The following PGBD2 variants were observed in gnomAD, a reference collection of about 807,000 sequenced individuals.
PGBD2 encodes the protein piggyBac transposable element-derived protein 2.
Under a neutral mutation model 8.1 loss-of-function variants are expected in PGBD2, and 6 were observed. That is an observed-to-expected ratio of 0.74 (90% CI 0.40 to 1.46). The LOEUF is 1.46. Ranked by LOEUF, PGBD2 falls within the 40% of genes most tolerant of loss-of-function variation. PGBD2 has a pLI of 0.02. For missense variants in PGBD2, 802 were observed against 739.0 expected (o/e 1.09, Z -0.99); for synonymous variants, 318 against 272.2 (o/e 1.17, Z -1.66).
At chr1:248,895,862 A>G in the PGBD2 span, among the ~76,000 whole-genome samples, 1 of 151,386 alleles carries the variant, frequency 6.6e-6, no homozygotes, top group Non-Finnish European at 1.5e-5. Context: ...TAATTTTTGT[A>G]TTTTTAGTAG....
At chr1:248,924,011 C>T (rs1291144387), downstream of PGBD2, among the ~76,000 whole-genome samples, 1 of 152,188 alleles carries the variant, frequency 6.6e-6, no homozygotes, top group Non-Finnish European at 1.5e-5. Context: ...CAAGGTAAGC[C>T]GTGGAGCTTC....
At chr1:248,894,221 T>C in the PGBD2 span, among the ~76,000 whole-genome samples, 1 of 152,230 alleles carries the variant, frequency 6.6e-6, no homozygotes, top group African/African-American at 2.4e-5. Flanking sequence ...ATGGGTTGTT[T>C]CCTTTGTAAT....
At chr1:248,926,925 A>G in the PGBD2 span, among the ~76,000 whole-genome samples, 1 of 152,240 alleles carries the variant, frequency 6.6e-6, no homozygotes, top group African/African-American at 2.4e-5. Flanking sequence ...CCAGCTGGTT[A>G]CTGCTACCAC....
upstream of PGBD2, among the ~76,000 whole-genome samples, chr1:248,905,906 T>A (rs1661615497): frequency 6.6e-6 from 1 of 152,212 alleles, no homozygotes; most frequent in South Asian, 2.1e-4. Flanking sequence ...AAGATTTGCA[T>A]TTCCATCGAT....
At chr1:248,898,157 G>A in the PGBD2 span, among the ~76,000 whole-genome samples, 11 of 152,324 alleles carry the variant, frequency 7.2e-5, no homozygotes, top group East Asian at 1.2e-3. Flanking sequence ...CCCGCCTGCT[G>A]GCTTTGGAGA....
the PGBD2 span, among the ~76,000 whole-genome samples, chr1:248,874,969 G>A: frequency 1.3e-5 from 2 of 151,808 alleles, no homozygotes; most frequent in Non-Finnish European, 2.9e-5. Flanking sequence ...CAAATAGATA[G>A]AGATAGGTAT....
At chr1:248,886,150 A>G in the PGBD2 span, among the ~76,000 whole-genome samples, 47 of 152,356 alleles carry the variant, frequency 3.1e-4, no homozygotes, top group African/African-American at 1.0e-3. Flanking sequence ...AAACGAGGAA[A>G]GTGATGAAGA....
chr1:248,917,655 T>TA lies in PGBD2; in HGVS notation c.1074dup (p.Leu359ThrfsTer18). 6.2e-7 allele frequency: 1 copy of TA among 1,614,168 alleles called. No individual in the cohort carries two copies. Among genetic ancestry groups the TA allele is most frequent in the South Asian group, 1.1e-5 (1 of 91,076 alleles). On this transcript the variant is annotated frameshift_variant, in exon 3 of 3. Transcript: ENST00000329291. LOFTEE classifies it low-confidence loss of function (END_TRUNC). ...TTTTTGACAAGGTTTTCACAAGTGT[T>TA]AAACTGATGTCCATTTTGAGGAAAA...
the PGBD2 span, among the ~76,000 whole-genome samples, chr1:248,885,341 A>T: frequency 3.8e-3 from 568 of 149,778 alleles, 4 homozygotes; most frequent in Middle Eastern, 0.01. Flanking sequence ...GGGTTTTGCT[A>T]CGTTTCCCAG....
At chr1:248,928,732 A>G in the PGBD2 span, among the ~76,000 whole-genome samples, 1 of 152,204 alleles carries the variant, frequency 6.6e-6, no homozygotes. Context: ...CTTCACTTCA[A>G]TAACAGCCTC....
At chr1:248,877,531 C>T in the PGBD2 span, among the ~76,000 whole-genome samples, 1 of 151,922 alleles carries the variant, frequency 6.6e-6, no homozygotes, top group African/African-American at 2.4e-5. Context: ...TATAGGCCAT[C>T]TTGAGGTTAC....
chr1:248,922,622 A>C (rs1662310535), downstream of PGBD2, among the ~76,000 whole-genome samples: 1 of 152,126 alleles, frequency 6.6e-6, no homozygotes, highest in African/African-American at 2.4e-5. Flanking sequence ...TTATTTTGAG[A>C]TACATTCCAT....
upstream of PGBD2, among the ~76,000 whole-genome samples, chr1:248,904,480 G>C (rs565513328): frequency 6.6e-6 from 1 of 152,258 alleles, no homozygotes; most frequent in South Asian, 2.1e-4. Flanking sequence ...AATTACATAT[G>C]CAAGTATCCA....
chr1:248,916,773 C>A lies in PGBD2; in HGVS notation c.189C>A (p.Asp63Glu). The change falls in exon 3 of 3, where the codon GAC (aspartate) becomes GAA (glutamate). Residue 63 changes from aspartate (D) to glutamate (E), a missense_variant. Coordinates refer to ENST00000329291, the MANE Select transcript of PGBD2 (RefSeq NM_170725.3). The stretch of plus-strand genomic sequence containing the variant: ...CTGATGAGGACTCAGGGGATGAAGA[C>A]AGCCAGCGAGGTGCTCACCTACCTG... ...EFTDEDSGDE[D>E]SQRGAHLPGS... 1 of 1,614,188 alleles carries A rather than the reference C, an allele frequency of 6.2e-7. No homozygotes were observed. Among genetic ancestry groups the A allele is most frequent in the South Asian group, 1.1e-5 (1 of 91,090 alleles).
the PGBD2 span, among the ~76,000 whole-genome samples, chr1:248,885,201 C>T: frequency 6.6e-6 from 1 of 152,158 alleles, no homozygotes; most frequent in East Asian, 1.9e-4. Context: ...GTGGCATAAT[C>T]ATAGCTCACT....
downstream of PGBD2, among the ~76,000 whole-genome samples, chr1:248,920,392 C>T (rs147032326): frequency 2.4e-4 from 37 of 151,798 alleles, no homozygotes; most frequent in African/African-American, 8.0e-4. Flanking sequence ...TGAGAACTTG[C>T]GATGTTTGGT....
chr1:248,892,858 T>A, the PGBD2 span, among the ~76,000 whole-genome samples: 1 of 152,206 alleles, frequency 6.6e-6, no homozygotes, highest in Non-Finnish European at 1.5e-5. Context: ...TAGTCAATCA[T>A]ATCTATTTGA....
intron 1 of PGBD2, among the ~76,000 whole-genome samples, chr1:248,907,269 G>A (rs1301110522): frequency 7.2e-5 from 11 of 152,242 alleles, no homozygotes; most frequent in Admixed American, 7.2e-4. Flanking sequence ...AAACATTTCA[G>A]TGGAATAAAG....
the PGBD2 span, among the ~76,000 whole-genome samples, chr1:248,879,999 A>G: frequency 6.6e-6 from 1 of 152,142 alleles, no homozygotes; most frequent in Non-Finnish European, 1.5e-5. Flanking sequence ...TCAGGATTAT[A>G]TGGTCCTGGA....
Sources: gnomAD v4.1 joint callset for allele counts (sites outside exome capture counted in the v4.1 genomes callset) on GRCh38, gnomAD v4.1.1 for gene constraint, MANE v1.5 for transcripts, NCBI Gene and HGNC (gene_info 2026-07-23, HGNC 2026-07-21) for gene names.